Variants in FRK observed in about 807,000 individuals in gnomAD.
The protein encoded by FRK is fyn related Src family tyrosine kinase.
Under a neutral mutation model 56.4 loss-of-function variants are expected in FRK, and 51 were observed. The observed-to-expected ratio is 0.90, with a 90% CI of 0.72 to 1.14. FRK has a LOEUF of 1.14. Ranked by LOEUF, FRK falls within the 50% of genes most tolerant of loss-of-function variation. The pLI is 0.00. For synonymous variants in FRK, 245 were observed against 217.9 expected (o/e 1.12, Z -1.10); for missense variants, 570 against 601.4 (o/e 0.95, Z 0.55).
chr6:116,010,051 C>T (rs1582709608), intron 1 of FRK, among the ~76,000 whole-genome samples: 1 of 151,954 alleles, frequency 6.6e-6, no homozygotes, highest in East Asian at 1.9e-4. Flanking sequence ...CACGGTGAAA[C>T]CCCATCTCTA....
chr6:116,023,100 G>A (rs1582724516), intron 1 of FRK, among the ~76,000 whole-genome samples: 1 of 152,140 alleles, frequency 6.6e-6, no homozygotes, highest in Non-Finnish European at 1.5e-5. Flanking sequence ...TAAAACCAAC[G>A]TGAGATGGCA....
chr6:115,937,143 C>A lies in FRK; in HGVS notation c.*5271G>T, dbSNP rs1772067278. 6.6e-6 allele frequency: 1 copy of A among 152,184 alleles called. No homozygotes were observed. The highest frequency in any genetic ancestry group is 1.5e-5 in the Non-Finnish European group (1 of 68,032). 9.4% of individuals were successfully genotyped at this position (152,184 alleles called of 1,614,324 possible). ...AGAGGATCTCTCTGCAGACACCTTACAAGCCAGAATAGAGTAGGGGCCAAT... is the reference window on the plus strand; with the variant it reads ...AGAGGATCTCTCTGCAGACACCTTAAAAGCCAGAATAGAGTAGGGGCCAAT... On this transcript the variant is annotated 3_prime_UTR_variant, in exon 8 of 8. Coordinates refer to ENST00000606080, the MANE Select transcript of FRK (RefSeq NM_002031.3).
At chr6:116,027,656 T>C (rs1288434630) in intron 1 of FRK, among the ~76,000 whole-genome samples, 1 of 151,870 alleles carries the variant, frequency 6.6e-6, no homozygotes, top group Non-Finnish European at 1.5e-5. Flanking sequence ...TAGCATAAAG[T>C]AAGAACTATT....
At chr6:115,975,524 G>C (rs1472700493) in intron 2 of FRK, among the ~76,000 whole-genome samples, 1 of 152,056 alleles carries the variant, frequency 6.6e-6, no homozygotes, top group Non-Finnish European at 1.5e-5. Flanking sequence ...TTGAATTCAG[G>C]TGTCTCAGAA....
chr6:116,024,132 G>A (rs1182812944), intron 1 of FRK, among the ~76,000 whole-genome samples: 1 of 150,238 alleles, frequency 6.7e-6, no homozygotes, highest in African/African-American at 2.5e-5. Flanking sequence ...TAACTTTCCT[G>A]GCTCCTGCTT....
chr6:115,969,185 A>C (rs1773706966), intron 2 of FRK, among the ~76,000 whole-genome samples: 1 of 152,126 alleles, frequency 6.6e-6, no homozygotes, highest in African/African-American at 2.4e-5. Context: ...AAATCCTATA[A>C]TGTGGCTTTG....
intron 2 of FRK, among the ~76,000 whole-genome samples, chr6:115,973,698 C>T (rs1773891206): frequency 6.6e-6 from 1 of 151,994 alleles, no homozygotes; most frequent in African/African-American, 2.4e-5. Flanking sequence ...GGCAAAACCC[C>T]ATCTCTACTA....
chr6:115,967,494 G>C, intron 4 of FRK, 57 bp downstream of exon 4: 2 of 1,528,256 alleles, frequency 1.3e-6, no homozygotes, highest in Non-Finnish European at 1.8e-6. Flanking sequence ...TATTTACAGT[G>C]TTAAATTGAG....
intron 5 of FRK, among the ~76,000 whole-genome samples, chr6:115,946,282 G>A (rs1772448476): frequency 1.3e-5 from 2 of 151,202 alleles, no homozygotes; most frequent in South Asian, 4.2e-4. Flanking sequence ...TCAAGGATAT[G>A]CCTGATATTT....
intron 1 of FRK, among the ~76,000 whole-genome samples, chr6:116,046,293 A>T (rs1776956569): frequency 6.6e-6 from 1 of 152,214 alleles, no homozygotes; most frequent in African/African-American, 2.4e-5. Flanking sequence ...ATATCCCCAA[A>T]GGATTATAAA....
chr6:115,968,479 A>G (rs997380848), intron 3 of FRK, 97 bp downstream of exon 3: 25 of 1,417,678 alleles, frequency 1.8e-5, no homozygotes, highest in East Asian at 4.6e-5. Flanking sequence ...TAAAATGACA[A>G]TTTTTTTCCT....
chr6:116,041,840 C>T (rs1178126751), intron 1 of FRK, among the ~76,000 whole-genome samples: 45 of 152,202 alleles, frequency 3.0e-4, no homozygotes. Context: ...AGACACCAAG[C>T]TAGCTGTAGG....
intron 1 of FRK, among the ~76,000 whole-genome samples, chr6:116,029,124 A>C (rs1032539961): frequency 2.6e-5 from 4 of 152,070 alleles, no homozygotes; most frequent in African/African-American, 9.7e-5. Flanking sequence ...AACGCTCTTC[A>C]CTAGATCCTT....
chr6:115,944,533 T>C, intron 5 of FRK, 108 bp from the exon 6 acceptor site: 1 of 784,498 alleles, frequency 1.3e-6, no homozygotes, highest in Non-Finnish European at 2.0e-6. Flanking sequence ...TTAAGTACAA[T>C]GGCACTGATC....
chr6:115,993,823 G>T (rs1227857172), intron 2 of FRK, among the ~76,000 whole-genome samples: 7 of 151,942 alleles, frequency 4.6e-5, no homozygotes, highest in African/African-American at 1.7e-4. Flanking sequence ...TCCCCAAAGA[G>T]CATCTCAAGT....
chr6:116,039,041 G>C (rs1582743928), intron 1 of FRK: 2 of 754,006 alleles, frequency 2.7e-6, no homozygotes, highest in Admixed American at 3.4e-5. Flanking sequence ...GGGGCACTCA[G>C]AGAGTAGGCA....
intron 1 of FRK, among the ~76,000 whole-genome samples, chr6:116,056,549 A>G (rs1045384936): frequency 6.6e-6 from 1 of 152,224 alleles, no homozygotes; most frequent in Non-Finnish European, 1.5e-5. Context: ...GCTTTTTATC[A>G]ATATTTTGCA....
chr6:115,939,141 G>T lies in FRK; in HGVS notation c.*3273C>A, dbSNP rs1460732006. 2.0e-5 allele frequency: 3 copies of T among 152,042 alleles called. No individual in the cohort carries two copies. The highest frequency in any genetic ancestry group is 7.2e-5 in the African/African-American group (3 of 41,398). 9.4% of individuals were successfully genotyped at this position (152,042 alleles called of 1,614,324 possible). A position where few individuals can be genotyped will look rare whatever the true frequency, so the allele number is the denominator to read the frequency against. On this transcript the variant is annotated 3_prime_UTR_variant, in exon 8 of 8. Coordinates refer to ENST00000606080, the MANE Select transcript of FRK (RefSeq NM_002031.3). ...GCACATCAAAAAGCTTATCCACCAC[G>T]ATCAAGTTGGCTTCATCCCTGAGAC... is the stretch of plus-strand genomic sequence containing the variant.
At chr6:116,067,382 C>T in the FRK span, among the ~76,000 whole-genome samples, 4,765 of 151,762 alleles carry the variant, frequency 0.031, 131 homozygotes, top group Admixed American at 0.054. Flanking sequence ...TTTTTATTTT[C>T]ATTTATTTAT....
Sources: allele counts gnomAD v4.1 joint callset (sites outside exome capture counted in the v4.1 genomes callset), GRCh38; gene constraint gnomAD v4.1.1; transcripts MANE v1.5; gene names NCBI Gene and HGNC (gene_info 2026-07-23, HGNC 2026-07-21).